Variants in TASOR observed in about 807,000 individuals in gnomAD.
The protein encoded by TASOR is transcription activation suppressor.
A neutral mutation model predicts 178.6 loss-of-function variants in TASOR; 53 were observed. The observed-to-expected ratio is 0.30, with a 90% CI of 0.24 to 0.37. The LOEUF (loss-of-function observed/expected upper bound fraction) is 0.37, where lower values mean the gene tolerates loss of function less well. Among genes scored for constraint, TASOR ranks in the 10% least tolerant of loss-of-function variants. The pLI is 1.00. For missense variants in TASOR, 1,815 were observed against 1,971.4 expected (o/e 0.92, Z 1.50); for synonymous variants, 713 against 696.2 (o/e 1.02, Z -0.38).
At chr3:56,671,500 A>G (rs2030732618) in intron 3 of TASOR, 100 bp downstream of exon 3, 2 of 798,446 alleles carry the variant, frequency 2.5e-6, no homozygotes, top group Non-Finnish European at 1.9e-6. Context: ...ATATATCAAA[A>G]AAGTCTGTAA....
intron 18 of TASOR, among the ~76,000 whole-genome samples, chr3:56,632,699 G>A (rs1299964144): frequency 6.6e-6 from 1 of 152,020 alleles, no homozygotes; most frequent in Non-Finnish European, 1.5e-5. Flanking sequence ...TACCTAGGCT[G>A]GCACAATCAT....
At chr3:56,630,349 A>G (rs1377291978) in intron 18 of TASOR, among the ~76,000 whole-genome samples, 3 of 152,218 alleles carry the variant, frequency 2.0e-5, no homozygotes, top group Admixed American at 6.5e-5. Context: ...TTTTATTCAT[A>G]AAGTCTTTTA....
intron 1 of TASOR, among the ~76,000 whole-genome samples, chr3:56,676,422 G>A (rs1012148456): frequency 3.9e-5 from 6 of 152,146 alleles, no homozygotes; most frequent in African/African-American, 7.2e-5. Context: ...GTTATGGAAC[G>A]TAGGACAAAA....
chr3:56,677,037 G>A (rs907227355), intron 1 of TASOR, among the ~76,000 whole-genome samples: 2 of 152,110 alleles, frequency 1.3e-5, no homozygotes, highest in Admixed American at 1.3e-4. Context: ...AAATTATCCT[G>A]CAACTATTTT....
At chr3:56,648,134 G>A (rs1222973890) in intron 13 of TASOR, among the ~76,000 whole-genome samples, 1 of 152,156 alleles carries the variant, frequency 6.6e-6, no homozygotes, top group African/African-American at 2.4e-5. Flanking sequence ...TTGAGCCTAG[G>A]AGGGAGGGCA....
At chr3:56,628,752 A>G (rs1427274378) in intron 18 of TASOR, 138 bp from the exon 19 acceptor site, 5 of 578,068 alleles carry the variant, frequency 8.6e-6, no homozygotes, top group Admixed American at 3.7e-5. Context: ...ACACTCTAAG[A>G]GACCATCAAA....
Position 56,627,768 on chromosome 3 carries a change from A to G in TASOR, c.3871-27T>C, listed in dbSNP as rs114805994. The G allele has an allele frequency of 7.6e-4, 1,229 of 1,606,600 alleles. 9 individuals carry two copies. In the African/African-American group the frequency reaches 0.015, roughly 20 times the overall value. ...TGTTTAAATCCCAAAACAAAAAGAG[A>G]AACAGATGGAGGGAATGAATTGACA... On this transcript the variant is annotated intron_variant, in intron 19 of 23. Transcript: ENST00000683822.
chr3:56,645,216 G>A (rs2077211161), intron 14 of TASOR, among the ~76,000 whole-genome samples: 1 of 152,232 alleles, frequency 6.6e-6, no homozygotes, highest in Non-Finnish European at 1.5e-5. Flanking sequence ...AGAGGTTGCA[G>A]TGAGCCAAGA....
In TASOR at chr3:56,627,101, G is replaced by T; in HGVS notation, c.4075C>A (p.Pro1359Thr). ...ACTTTCCATTGCCATTTTCCTTCTG[G>T]AGTACTAAGTTCCTCAAGGAATGTC... The part of the protein sequence containing the change: ...FLTFLEELST[P>T]EGKWQWKVHC... Residue 1359 changes from proline (P) to threonine (T), a missense_variant, in exon 21 of 24, where the codon CCA (proline) becomes ACA (threonine). Physicochemically the swap from Pro to Thr is conservative, Grantham distance 38. Coordinates refer to ENST00000683822, the MANE Select transcript of TASOR (RefSeq NM_001365635.2). 6.2e-7 allele frequency: 1 copy of T among 1,612,604 alleles called. No individual in the cohort carries two copies. The highest frequency in any genetic ancestry group is 8.5e-7 in the Non-Finnish European group (1 of 1,179,236).
Position 56,633,710 on chromosome 3 carries a change from G to C in TASOR, c.3081C>G (p.Leu1027=). 6.2e-7 allele frequency: 1 copy of C among 1,614,118 alleles called. No homozygotes were observed. Among genetic ancestry groups the C allele is most frequent in the South Asian group, 1.1e-5 (1 of 91,068 alleles). ...TERTVLGEYN[L]FSRKIEEILK... ...AAATCTCTTCTATCTTCCTAGAAAA[G>C]AGATTGTACTCTCCTAACACTGTCC... The change falls in exon 18 of 24, where the codon CTC becomes CTG. Residue 1027 remains leucine, a synonymous_variant. Transcript: ENST00000683822.
chr3:56,648,678 C>G, intron 13 of TASOR, 144 bp downstream of exon 13: 7 of 288,930 alleles, frequency 2.4e-5, no homozygotes, highest in East Asian at 5.3e-5. Flanking sequence ...TAATTTGTGT[C>G]TTATATTGCT....
intron 17 of TASOR, among the ~76,000 whole-genome samples, chr3:56,634,176 A>G (rs1392831976): frequency 6.6e-6 from 1 of 152,208 alleles, no homozygotes; most frequent in Non-Finnish European, 1.5e-5. Context: ...GCTAGTGTTA[A>G]CAACTCTGCT....
At chr3:56,642,567 T>C (rs2077147162) in intron 14 of TASOR, among the ~76,000 whole-genome samples, 1 of 152,220 alleles carries the variant, frequency 6.6e-6, no homozygotes, top group Admixed American at 6.5e-5. Context: ...GCATACTGTA[T>C]GACTCTAATT....
At chr3:56,681,281 CAGACTAT>C in intron 1 of TASOR, among the ~76,000 whole-genome samples, 1 of 152,268 alleles carries the variant, frequency 6.6e-6, no homozygotes, top group Middle Eastern at 3.4e-3. Flanking sequence ...TTTTCTCATA[CAGACTAT>C]AATCATACAT....
intron 11 of TASOR, among the ~76,000 whole-genome samples, chr3:56,653,262 C>CAAAAAAAAAAAAAAAA (rs1176419181): frequency 1.0e-3 from 5 of 4,970 alleles, no homozygotes; most frequent in Non-Finnish European, 1.6e-3. Context: ...GACTCCATCT[C>CAAAAAAAAAAAAAAAA]AAAAAAAAAA....
chr3:56,653,104 T>A lies in TASOR; in HGVS notation c.1369-4047A>T, dbSNP rs182554448. On this transcript the variant is annotated intron_variant, in intron 11 of 23. Transcript: ENST00000683822. ...ATGGCGAAACCCTGTCTCTACTAAA[T>A]ACACGAAAATTAGCCAGGTGTGGTG... Among the ~76,000 whole-genome samples the A allele has an allele frequency of 2.0e-4, 30 of 150,910 alleles. 1 individual carries two copies. Among genetic ancestry groups the A allele is most frequent in the Admixed American group, 8.6e-4 (13 of 15,132 alleles).
chr3:56,623,556 T>C lies in TASOR; in HGVS notation c.4494A>G (p.Glu1498=). Residue 1498 remains glutamate, a synonymous_variant, in exon 24 of 24, where the codon GAA becomes GAG. Coordinates refer to ENST00000683822, the MANE Select transcript of TASOR (RefSeq NM_001365635.2). ...TATCCTCTTCATCCTTTTCATCGTTTTCTAAAAGAGCTACATTTAAAAAAC... is the reference window on the plus strand; with the variant it reads ...TATCCTCTTCATCCTTTTCATCGTTCTCTAAAAGAGCTACATTTAAAAAAC... ...ENLESQSALL[E]NDEKDEEDMS... is the part of the protein sequence containing the mutation. 1 of 1,569,444 alleles carries C rather than the reference T, an allele frequency of 6.4e-7. No homozygotes were observed. The highest frequency in any genetic ancestry group is 8.6e-7 in the Non-Finnish European group (1 of 1,166,728).
chr3:56,669,820 T>C, intron 4 of TASOR, 29 bp from the exon 5 acceptor site: 1 of 1,442,898 alleles, frequency 6.9e-7, no homozygotes, highest in African/African-American at 1.4e-5. Flanking sequence ...TTAAGGAAAC[T>C]GATTATATTT....
Position 56,673,661 on chromosome 3 carries a change from A to G in TASOR, c.396T>C (p.Ser132=), listed in dbSNP as rs11549487. ...TTACTGAGGTTGGTTCAAGGTAAGAAGAATGGAGAATATTTACAACATCTT... is the reference window on the plus strand; with the variant it reads ...TTACTGAGGTTGGTTCAAGGTAAGAGGAATGGAGAATATTTACAACATCTT... ...EFEDVVNILH[S]SYLEPTSVTN... Residue 132 remains serine (S), a synonymous_variant, in exon 2 of 24, where the codon TCT becomes TCC. Coordinates refer to ENST00000683822, the MANE Select transcript of TASOR (RefSeq NM_001365635.2). The G allele has an allele frequency of 0.01, 16,099 of 1,551,176 alleles. 1,303 individuals carry two copies. In the African/African-American group the frequency reaches 0.18, roughly 18 times the overall value.
Sources: allele counts gnomAD v4.1 joint callset (sites outside exome capture counted in the v4.1 genomes callset), GRCh38; gene constraint gnomAD v4.1.1; transcripts MANE v1.5; gene names NCBI Gene and HGNC (gene_info 2026-07-23, HGNC 2026-07-21).